The following SQOR variants were observed in gnomAD, a reference collection of about 807,000 sequenced individuals.
SQOR encodes the protein sulfide quinone oxidoreductase.
In SQOR, 39 loss-of-function variants were observed where a neutral mutation model predicts 48.6. That is an observed-to-expected ratio of 0.80 (90% confidence interval 0.62 to 1.05). The LOEUF is 1.05. Ranked by LOEUF, SQOR falls within the 50% of genes least tolerant of loss-of-function variation. The pLI is 0.00. For missense variants in SQOR, 561 were observed against 559.9 expected (o/e 1.00, Z -0.02); for synonymous variants, 220 against 206.2 (o/e 1.07, Z -0.57).
At chr15:45,669,324 T>G (rs1050778055) in intron 3 of SQOR, among the ~76,000 whole-genome samples, 3 of 151,838 alleles carry the variant, frequency 2.0e-5, no homozygotes, top group African/African-American at 7.3e-5. Context: ...CCACCGCACC[T>G]AGGTAATTTT....
upstream of SQOR, among the ~76,000 whole-genome samples, chr15:45,632,475 CTCCCAAAGTGCTAGGATTACAGGCACGA>C (rs1390646697): frequency 6.6e-6 from 1 of 152,012 alleles, no homozygotes; most frequent in African/African-American, 2.4e-5. Context: ...CTGCCACAGC[CTCCCAAAGTGCTAGGATTACAGGCACGA>C]GCCACCGCAC....
At chr15:45,641,332 G>A (rs1895101761) in intron 1 of SQOR, among the ~76,000 whole-genome samples, 1 of 152,164 alleles carries the variant, frequency 6.6e-6, no homozygotes, top group African/African-American at 2.4e-5. Flanking sequence ...CTCTTAATCA[G>A]TAACTCTGCA....
chr15:45,670,930 AGGG>A (rs1327898928), intron 4 of SQOR, among the ~76,000 whole-genome samples: 1 of 152,196 alleles, frequency 6.6e-6, no homozygotes, highest in African/African-American at 2.4e-5. Flanking sequence ...ACTACTTTCA[AGGG>A]GGCCATACCT....
chr15:45,658,261 T>G (rs1020869844), intron 1 of SQOR, among the ~76,000 whole-genome samples: 1 of 152,132 alleles, frequency 6.6e-6, no homozygotes, highest in African/African-American at 2.4e-5. Context: ...GCTAGAGGTG[T>G]GGAGGGCCTT....
chr15:45,690,082 C>CTTT (rs11449007), intron 9 of SQOR, among the ~76,000 whole-genome samples: 11,280 of 136,878 alleles, frequency 0.082, 552 homozygotes, highest in Middle Eastern at 0.15. Context: ...CCTCTTCCTC[C>CTTT]TTTTTTTTTT....
chr15:45,690,995 T>A lies in SQOR; in HGVS notation c.1318T>A (p.Phe440Ile). ...CAGGGGTTACTGGGGAGGACCAGCG[T>A]TTCTGCGCAAGTTGTTTCATCTAGG... ...MLRGYWGGPA[F>I]LRKLFHLGMS The change falls in exon 10 of 10, where the codon TTT becomes ATT. Residue 440 changes from phenylalanine to isoleucine, a missense_variant. Coordinates refer to ENST00000260324, the MANE Select transcript of SQOR (RefSeq NM_021199.4). The A allele has an allele frequency of 6.2e-7, 1 of 1,614,176 alleles. No homozygotes were observed. Among genetic ancestry groups the A allele is most frequent in the East Asian group, 2.2e-5 (1 of 44,880 alleles).
Position 45,690,935 on chromosome 15 carries a change from CT to C in SQOR, c.1296-36del, listed in dbSNP as rs562470147. 2.9e-5 allele frequency: 47 copies of C among 1,601,020 alleles called. 2 individuals are homozygous for C. In the South Asian group the frequency reaches 4.8e-4, roughly 17 times the overall value. On this transcript the variant is annotated intron_variant, in intron 9 of 9. Transcript: ENST00000260324. Reference sequence around the variant, plus strand: ...TCCTGACTGAAGTCGCCCCATCTCTCTTGCTGCAGGTACATTTTTTTGTGTT... The same window carrying C: ...TCCTGACTGAAGTCGCCCCATCTCTCTGCTGCAGGTACATTTTTTTGTGTT...
At chr15:45,632,218 CTCCT>C (rs1290405829), upstream of SQOR, among the ~76,000 whole-genome samples, 40 of 133,220 alleles carry the variant, frequency 3.0e-4, no homozygotes, top group Admixed American at 7.7e-4. Flanking sequence ...CCCTCCCTCC[CTCCT>C]TCCTTCCTTC....
intron 1 of SQOR, among the ~76,000 whole-genome samples, chr15:45,651,096 G>A (rs1889477425): frequency 1.3e-5 from 2 of 152,222 alleles, no homozygotes. Flanking sequence ...ACCCGTGTGG[G>A]AGCCCACCGC....
Position 45,691,055 on chromosome 15 carries a change from T to C in SQOR, c.*25T>C. On this transcript the variant is annotated 3_prime_UTR_variant, in exon 10 of 10. Coordinates refer to ENST00000260324, the MANE Select transcript of SQOR (RefSeq NM_021199.4). ...AGGATGGCTCAGCACTTGCTCATCT[T>C]GGATGGCTTCTGGGCCAAAACTGCA... The C allele has an allele frequency of 6.2e-7, 1 of 1,611,434 alleles. No individual in the cohort carries two copies. The highest frequency in any genetic ancestry group is 1.1e-5 in the South Asian group (1 of 91,030).
chr15:45,671,682 G>A (rs936003727), intron 4 of SQOR, among the ~76,000 whole-genome samples: 3 of 152,214 alleles, frequency 2.0e-5, no homozygotes, highest in Non-Finnish European at 4.4e-5. Context: ...GGGCAAGGAT[G>A]TAGCTGGGCC....
At chr15:45,641,353 C>T (rs556435033) in intron 1 of SQOR, among the ~76,000 whole-genome samples, 4 of 152,270 alleles carry the variant, frequency 2.6e-5, no homozygotes, top group Non-Finnish European at 5.9e-5. Context: ...AAGAAAATTC[C>T]TACAGTTTTG....
intron 6 of SQOR, among the ~76,000 whole-genome samples, chr15:45,677,273 T>G (rs1890054759): frequency 6.6e-6 from 1 of 152,132 alleles, no homozygotes; most frequent in African/African-American, 2.4e-5. Context: ...ATCTAGTTTT[T>G]CCAAGGAAAT....
Position 45,688,364 on chromosome 15 carries a change from C to T in SQOR, c.1076C>T (p.Thr359Ile), listed in dbSNP as rs1890258308. ...VAAQSGILDR[T>I]ISVIMKNQTP... ...GCCCAGTCAGGAATACTTGATAGGA[C>T]AATTTCTGTAATTATGAAGAATCAA... Residue 359 changes from threonine to isoleucine, a missense_variant, in exon 8 of 10, where the codon ACA becomes ATA. Transcript: ENST00000260324. 2 of 1,607,660 alleles carry T rather than the reference C, an allele frequency of 1.2e-6. No individual in the cohort carries two copies. Among genetic ancestry groups the T allele is most frequent in the East Asian group, 2.2e-5 (1 of 44,712 alleles).
intron 1 of SQOR, among the ~76,000 whole-genome samples, chr15:45,648,264 G>A (rs908487788): frequency 2.0e-5 from 3 of 151,598 alleles, no homozygotes; most frequent in Non-Finnish European, 2.9e-5. Flanking sequence ...TGCAACCTCC[G>A]CCTTCTGGGT....
At chr15:45,639,695 C>A (rs1163195980) in intron 1 of SQOR, among the ~76,000 whole-genome samples, 1 of 152,176 alleles carries the variant, frequency 6.6e-6, no homozygotes, top group Non-Finnish European at 1.5e-5. Flanking sequence ...TAACAACCAC[C>A]ATGTTTGGAG....
chr15:45,633,198 G>A (rs1894929482), upstream of SQOR, among the ~76,000 whole-genome samples: 1 of 151,520 alleles, frequency 6.6e-6, no homozygotes, highest in Non-Finnish European at 1.5e-5. Flanking sequence ...CTGGTGTCCT[G>A]TGCCTTGCAC....
At chr15:45,652,609 A>G (rs1465229123) in intron 1 of SQOR, among the ~76,000 whole-genome samples, 1 of 145,896 alleles carries the variant, frequency 6.9e-6, no homozygotes, top group African/African-American at 2.6e-5. Context: ...CAGCCTCCCT[A>G]AAGTTTTGGT....
chr15:45,634,120 G>C (rs1238757963), upstream of SQOR, among the ~76,000 whole-genome samples: 1 of 147,534 alleles, frequency 6.8e-6, no homozygotes, highest in Non-Finnish European at 1.5e-5. Flanking sequence ...ATGTTGCAGT[G>C]AGCCGAGATT....
Sources: allele counts gnomAD v4.1 joint callset (sites outside exome capture counted in the v4.1 genomes callset), GRCh38; gene constraint gnomAD v4.1.1; transcripts MANE v1.5; gene names NCBI Gene and HGNC (gene_info 2026-07-23, HGNC 2026-07-21).